PMPCB: variants seen among roughly 807,000 people sequenced by gnomAD.
The protein encoded by PMPCB is mitochondrial-processing peptidase subunit beta.
Under a neutral mutation model 61.5 loss-of-function variants are expected in PMPCB, and 46 were observed. The ratio of observed to expected loss-of-function variants is 0.75; its 90% CI spans 0.59 to 0.96. The LOEUF (loss-of-function observed/expected upper bound fraction) is 0.96. Ranked by LOEUF, PMPCB falls within the 40% of genes least tolerant of loss-of-function variation. The pLI, the probability that PMPCB is intolerant of heterozygous loss-of-function variation, is 0.00. For synonymous variants in PMPCB, 191 were observed against 201.6 expected (o/e 0.95, Z 0.44); for missense variants, 590 against 602.4 (o/e 0.98, Z 0.22).
Position 103,309,058 on chromosome 7 carries a change from T to C in PMPCB, c.956T>C (p.Leu319Pro). 6.2e-7 allele frequency: 1 copy of C among 1,608,564 alleles called. No individual in the cohort carries two copies. Among genetic ancestry groups the C allele is most frequent in the Non-Finnish European group, 8.5e-7 (1 of 1,177,034 alleles). Residue 319 changes from leucine to proline, a missense_variant, in exon 8 of 13, where the codon CTG becomes CCG. Physicochemically the swap from Leu to Pro is moderately conservative, Grantham distance 98. Transcript: ENST00000249269. ...ATCTGTCTCATGGTTGCAAACACGCTGATTGGCAACTGGGATCGCTCTTTT... is the reference window on the plus strand; with the variant it reads ...ATCTGTCTCATGGTTGCAAACACGCCGATTGGCAACTGGGATCGCTCTTTT... ...DTICLMVANT[L>P]IGNWDRSFGG...
In PMPCB at chr7:103,304,021, G is replaced by C; in HGVS notation, c.637G>C (p.Gly213Arg). Residue 213 changes from glycine (G) to arginine (R), a missense_variant, in exon 5 of 13, where the codon GGA becomes CGA. Physicochemically the swap from Gly to Arg is moderately radical, Grantham distance 125. Transcript: ENST00000249269. ...QNTALGRTIL[G>R]PTENIKSISR... ...TACTGCACTTGGACGGACAATTTTG[G>C]GACCAACTGAAAATATCAAGTAGGT... 2.5e-6 allele frequency: 4 copies of C among 1,612,258 alleles called. No homozygotes were observed. Among genetic ancestry groups the C allele is most frequent in the Non-Finnish European group, 3.4e-6 (4 of 1,178,576 alleles).
intron 12 of PMPCB, chr7:103,319,911 T>TG: frequency 6.5e-7 from 1 of 1,550,380 alleles, no homozygotes; most frequent in Non-Finnish European, 8.9e-7. Context: ...ATTACAAAGC[T>TG]GTAATCCCAG....
chr7:103,339,908 G>A, the PMPCB span, among the ~76,000 whole-genome samples: 11 of 152,144 alleles, frequency 7.2e-5, no homozygotes, highest in Admixed American at 3.9e-4. Context: ...GTATGATCTC[G>A]GCTCACAGCA....
At chr7:103,341,860 C>T in the PMPCB span, 11 of 1,613,158 alleles carry the variant, frequency 6.8e-6, no homozygotes, top group Non-Finnish European at 9.3e-6. Context: ...TCTTATCCTC[C>T]AGTTCCTGAA....
chr7:103,319,617 C>T (rs748748450), downstream of PMPCB: 1 of 1,613,994 alleles, frequency 6.2e-7, no homozygotes, highest in South Asian at 1.1e-5. Flanking sequence ...ACCTGTTTTT[C>T]CAAAGCAGCC....
the PMPCB span, chr7:103,345,025 A>T: frequency 2.6e-6 from 1 of 377,534 alleles, no homozygotes. Flanking sequence ...TTTATGTATT[A>T]ATCTGAACCT....
chr7:103,304,439 T>C lies in PMPCB; in HGVS notation c.685T>C (p.Tyr229His). The change falls in exon 6 of 13, where the codon TAT (tyrosine) becomes CAT (histidine). Residue 229 changes from tyrosine (Y) to histidine (H), a missense_variant. Coordinates refer to ENST00000249269, the MANE Select transcript of PMPCB (RefSeq NM_004279.3). The stretch of plus-strand genomic sequence containing the variant: ...TATAAGTCGTAAGGACTTAGTGGAT[T>C]ATATAACCACACATTATAAGGGGCC... ...KSISRKDLVD[Y>H]ITTHYKGPRI... 1 of 1,605,534 alleles carries C rather than the reference T, an allele frequency of 6.2e-7. No homozygotes were observed. Among genetic ancestry groups the C allele is most frequent in the Non-Finnish European group, 8.5e-7 (1 of 1,172,112 alleles).
At chr7:103,340,885 T>C in the PMPCB span, among the ~76,000 whole-genome samples, 1 of 152,126 alleles carries the variant, frequency 6.6e-6, no homozygotes, top group Non-Finnish European at 1.5e-5. Context: ...TACCAAAACC[T>C]CAGTCTTCAC....
Position 103,303,998 on chromosome 7 carries a change from C to T in PMPCB, c.614C>T (p.Thr205Ile), listed in dbSNP as rs1171436185. 2 of 1,613,960 alleles carry T rather than the reference C, an allele frequency of 1.2e-6. No homozygotes were observed. The change falls in exon 5 of 13, where the codon ACT becomes ATT. Residue 205 changes from threonine to isoleucine, a missense_variant. Physicochemically the swap from Thr to Ile is moderately conservative, Grantham distance 89. Coordinates refer to ENST00000249269, the MANE Select transcript of PMPCB (RefSeq NM_004279.3). ...CTTCATGCCACAGCTTATCAAAATA[C>T]TGCACTTGGACGGACAATTTTGGGA... ...DYLHATAYQN[T>I]ALGRTILGPT...
At chr7:103,347,482 T>C in the PMPCB span, 3 of 463,972 alleles carry the variant, frequency 6.5e-6, no homozygotes, top group Non-Finnish European at 4.0e-6. Flanking sequence ...GTGTCTAATA[T>C]GCCAGGCGTT....
chr7:103,321,495 G>A (rs1256829257), intron 12 of PMPCB, among the ~76,000 whole-genome samples: 1 of 151,874 alleles, frequency 6.6e-6, no homozygotes. Context: ...TCCAGACCAG[G>A]TGACAGTGCG....
At chr7:103,339,677 C>G in the PMPCB span, among the ~76,000 whole-genome samples, 1 of 151,820 alleles carries the variant, frequency 6.6e-6, no homozygotes, top group Non-Finnish European at 1.5e-5. Flanking sequence ...TCTCAGCTTA[C>G]CGCAATCTCC....
chr7:103,345,709 G>A, the PMPCB span, among the ~76,000 whole-genome samples: 1 of 151,602 alleles, frequency 6.6e-6, no homozygotes, highest in Non-Finnish European at 1.5e-5. Flanking sequence ...TCCTGCCTCA[G>A]TCTCCCAAAA....
In PMPCB at chr7:103,312,958, T is replaced by C; in HGVS notation, c.*687T>C. 1 of 1,612,900 alleles carries C rather than the reference T, an allele frequency of 6.2e-7. No individual in the cohort carries two copies. Among genetic ancestry groups the C allele is most frequent in the Non-Finnish European group, 8.5e-7 (1 of 1,179,650 alleles). The stretch of plus-strand genomic sequence containing the variant: ...CTTAAGTCTGCAACCTTGTATCGTT[T>C]CATGCAGTCCTTCTTTGTCCTGCCA... On this transcript the variant is annotated 3_prime_UTR_variant, in exon 13 of 13. Coordinates refer to ENST00000249269, the MANE Select transcript of PMPCB (RefSeq NM_004279.3).
chr7:103,310,032 G>C (rs1025285179), intron 8 of PMPCB, among the ~76,000 whole-genome samples: 2 of 152,084 alleles, frequency 1.3e-5, no homozygotes, highest in Admixed American at 1.3e-4. Flanking sequence ...CTAGAAATTG[G>C]GTTGATAATA....
the PMPCB span, chr7:103,341,963 G>C: frequency 6.4e-7 from 1 of 1,556,160 alleles, no homozygotes. Flanking sequence ...GGCTGTGATT[G>C]AAAGTGTTAA....
Position 103,314,455 on chromosome 7 carries a change from C to A in PMPCB, c.*2184C>A. On this transcript the variant is annotated 3_prime_UTR_variant, in exon 13 of 13. Transcript: ENST00000249269. ...CCAGTCACTCTTGCCTTCACAGGGT[C>A]ACCTCTCCTCACAGAAAGCAGACTG... 1.0e-6 allele frequency: 1 copy of A among 985,348 alleles called. No homozygotes were observed. Among genetic ancestry groups the A allele is most frequent in the Non-Finnish European group, 1.2e-6 (1 of 829,902 alleles). The allele number at this position is 985,348 out of a possible 1,614,324, so 61.0% of individuals were successfully genotyped here. A position where few individuals can be genotyped will look rare whatever the true frequency, so the allele number is the denominator to read the frequency against.
At chr7:103,321,287 G>T (rs575433101) in intron 12 of PMPCB, among the ~76,000 whole-genome samples, 1 of 151,972 alleles carries the variant, frequency 6.6e-6, no homozygotes, top group African/African-American at 2.4e-5. Context: ...GGAAGGCTGA[G>T]ATGGGTGGAT....
chr7:103,346,321 C>T, the PMPCB span, among the ~76,000 whole-genome samples: 10 of 152,060 alleles, frequency 6.6e-5, no homozygotes, highest in South Asian at 2.1e-4. Flanking sequence ...GTAGTAGAGA[C>T]GGGGTTTAGC....
Sources: allele counts gnomAD v4.1 joint callset (sites outside exome capture counted in the v4.1 genomes callset), GRCh38; gene constraint gnomAD v4.1.1; transcripts MANE v1.5; gene names NCBI Gene and HGNC (gene_info 2026-07-23, HGNC 2026-07-21).